Variants in CNTNAP5 observed in about 807,000 individuals in gnomAD.
The protein encoded by CNTNAP5 is contactin associated protein family member 5, also known as contactin-associated protein-like 5.
A neutral mutation model predicts 150.2 loss-of-function variants in CNTNAP5; 72 were observed. That is an observed-to-expected ratio of 0.48 (90% CI 0.40 to 0.58). The LOEUF (loss-of-function observed/expected upper bound fraction) is 0.58. Among genes scored for constraint, CNTNAP5 ranks in the 20% least tolerant of loss-of-function variants. CNTNAP5 has a pLI of 0.00. For synonymous variants in CNTNAP5, 672 were observed against 619.8 expected (o/e 1.08, Z -1.25); for missense variants, 1,636 against 1,626.2 (o/e 1.01, Z -0.10).
chr2:124,745,363 G>C (rs1318489344), intron 13 of CNTNAP5, among the ~76,000 whole-genome samples: 1 of 152,160 alleles, frequency 6.6e-6, no homozygotes, highest in African/African-American at 2.4e-5. Flanking sequence ...GAGAGTTTGA[G>C]AGATTTCTTT....
chr2:124,476,684 G>A (rs1161240024), intron 7 of CNTNAP5, among the ~76,000 whole-genome samples: 1 of 152,138 alleles, frequency 6.6e-6, no homozygotes, highest in Non-Finnish European at 1.5e-5. Flanking sequence ...GTAAGCCAGA[G>A]AGTCCCAGAT....
At chr2:124,722,142 T>C (rs1322363236) in intron 13 of CNTNAP5, among the ~76,000 whole-genome samples, 1 of 152,044 alleles carries the variant, frequency 6.6e-6, no homozygotes, top group Non-Finnish European at 1.5e-5. Flanking sequence ...ACATAAGAAT[T>C]TGGGAAGAAC....
intron 13 of CNTNAP5, among the ~76,000 whole-genome samples, chr2:124,657,258 G>A (rs1358664429): frequency 2.0e-5 from 3 of 152,178 alleles, no homozygotes; most frequent in Admixed American, 6.5e-5. Flanking sequence ...ACTGTTGAAA[G>A]TGTAGAGTTA....
intron 13 of CNTNAP5, among the ~76,000 whole-genome samples, chr2:124,732,578 C>T (rs1392323420): frequency 1.3e-5 from 2 of 152,050 alleles, no homozygotes; most frequent in African/African-American, 2.4e-5. Flanking sequence ...ATGGGAATTG[C>T]CTTCATTTTG....
intron 17 of CNTNAP5, among the ~76,000 whole-genome samples, chr2:124,782,654 G>A (rs988885251): frequency 8.6e-5 from 13 of 151,812 alleles, no homozygotes; most frequent in Non-Finnish European, 1.8e-4. Flanking sequence ...ATTGACCAAA[G>A]AACTTTAAAA....
rs758295413 is a variant in CNTNAP5 at position 124,914,227 on chromosome 2, T to C, written c.3863T>C (p.Phe1288Ser). The change falls in exon 24 of 24, where the codon TTC (phenylalanine) becomes TCC (serine). Residue 1288 changes from phenylalanine (F) to serine (S), a missense_variant. Coordinates refer to ENST00000682447, the MANE Select transcript of CNTNAP5 (RefSeq NM_001367498.1). The stretch of plus-strand genomic sequence containing the variant: ...TATCCAGAAAATTTGGACAGTTCCT[T>C]CAGAAATGAAATTGACTTGCAAAAC... ...KEYPENLDSS[F>S]RNEIDLQNTV... The C allele has an allele frequency of 1.2e-6, 2 of 1,612,586 alleles. No individual in the cohort carries two copies. The highest frequency in any genetic ancestry group is 1.1e-5 in the South Asian group (1 of 91,036).
intron 8 of CNTNAP5, among the ~76,000 whole-genome samples, chr2:124,516,817 G>A (rs1451154062): frequency 2.0e-5 from 3 of 152,192 alleles, no homozygotes; most frequent in Non-Finnish European, 4.4e-5. Context: ...CAATTGAAGT[G>A]CAAAGATCTG....
At chr2:124,238,123 A>G (rs1686799339) in intron 2 of CNTNAP5, among the ~76,000 whole-genome samples, 1 of 152,104 alleles carries the variant, frequency 6.6e-6, no homozygotes, top group Admixed American at 6.5e-5. Flanking sequence ...TCTAGTGAGA[A>G]TTGCTCTTAT....
chr2:124,498,700 G>C (rs1338727177), intron 7 of CNTNAP5, among the ~76,000 whole-genome samples: 1 of 152,064 alleles, frequency 6.6e-6, no homozygotes, highest in East Asian at 1.9e-4. Flanking sequence ...CCTCTTTCCT[G>C]CATCAAGACA....
At chr2:124,707,039 AAGG>A (rs775220057) in intron 13 of CNTNAP5, among the ~76,000 whole-genome samples, 1,711 of 81,972 alleles carry the variant, frequency 0.021, 124 homozygotes, top group African/African-American at 0.052. Context: ...GAAGAAGAAG[AAGG>A]AGGAGGAGGA....
chr2:124,053,873 A>G (rs1413872540), intron 1 of CNTNAP5, among the ~76,000 whole-genome samples: 1 of 152,236 alleles, frequency 6.6e-6, no homozygotes, highest in African/African-American at 2.4e-5. Flanking sequence ...TATAACAAGC[A>G]TCTGATCTTA....
chr2:124,912,167 G>A (rs898244025), intron 23 of CNTNAP5, among the ~76,000 whole-genome samples: 1 of 151,944 alleles, frequency 6.6e-6, no homozygotes, highest in Non-Finnish European at 1.5e-5. Context: ...TTCCATCTGG[G>A]TCTACCAACA....
chr2:124,739,279 G>A (rs936481600), intron 13 of CNTNAP5, among the ~76,000 whole-genome samples: 1 of 152,044 alleles, frequency 6.6e-6, no homozygotes, highest in African/African-American at 2.4e-5. Context: ...CTGAATTAAC[G>A]ATCTTGACCA....
Position 124,474,877 on chromosome 2 carries a change from A to T in CNTNAP5, c.1057A>T (p.Thr353Ser). The change falls in exon 7 of 24, where the codon ACT (threonine) becomes TCT (serine). Residue 353 changes from threonine (T) to serine (S), a missense_variant. Transcript: ENST00000682447. ...TAAGAGACGAAAGCATCAGATCTAT[A>T]CTGTGGTAAGTCAGCCCATCTGTTT... ...LAKRRKHQIY[T>S]VGNVTFSCSE... 1.2e-6 allele frequency: 2 copies of T among 1,600,172 alleles called. No homozygotes were observed. Among genetic ancestry groups the T allele is most frequent in the Non-Finnish European group, 1.7e-6 (2 of 1,175,826 alleles).
chr2:124,431,247 G>T (rs1692371355), intron 4 of CNTNAP5, among the ~76,000 whole-genome samples: 1 of 152,094 alleles, frequency 6.6e-6, no homozygotes, highest in African/African-American at 2.4e-5. Context: ...GCCAGACATT[G>T]GAGGGAATGG....
At chr2:124,282,208 A>T (rs375215333) in intron 3 of CNTNAP5, among the ~76,000 whole-genome samples, 1 of 152,166 alleles carries the variant, frequency 6.6e-6, no homozygotes, top group Admixed American at 6.6e-5. Context: ...TGAATGCCAG[A>T]TTATTAGTAT....
intron 13 of CNTNAP5, among the ~76,000 whole-genome samples, chr2:124,735,701 G>A (rs1177126026): frequency 6.6e-6 from 1 of 152,102 alleles, no homozygotes; most frequent in Non-Finnish European, 1.5e-5. Context: ...ATTGGGATTT[G>A]GAGCCATAAG....
intron 1 of CNTNAP5, among the ~76,000 whole-genome samples, chr2:124,057,083 C>G (rs1346589925): frequency 6.6e-6 from 1 of 152,028 alleles, no homozygotes; most frequent in Non-Finnish European, 1.5e-5. Context: ...CTCATGAGCC[C>G]CATTAAACCA....
chr2:124,793,675 A>G (rs969885657), intron 18 of CNTNAP5, among the ~76,000 whole-genome samples: 2 of 152,096 alleles, frequency 1.3e-5, no homozygotes, highest in African/African-American at 4.8e-5. Flanking sequence ...TTGATGCATT[A>G]TGAGTGAATT....
Sources: allele counts gnomAD v4.1 joint callset (sites outside exome capture counted in the v4.1 genomes callset), GRCh38; gene constraint gnomAD v4.1.1; transcripts MANE v1.5; gene names NCBI Gene and HGNC (gene_info 2026-07-23, HGNC 2026-07-21).